CMIP: variants seen among roughly 807,000 people sequenced by gnomAD.
The protein encoded by CMIP is C-Maf-inducing protein.
Under a neutral mutation model 97.3 loss-of-function variants are expected in CMIP, and 13 were observed. The ratio of observed to expected loss-of-function variants is 0.13; its 90% CI spans 0.09 to 0.21. The LOEUF is 0.21. CMIP is among the 10% of genes least tolerant of loss of function. The pLI is 1.00. For synonymous variants in CMIP, 538 were observed against 436.3 expected (o/e 1.23, Z -2.91); for missense variants, 847 against 1,024.9 (o/e 0.83, Z 2.37).
chr16:81,521,633 G>A (rs1458567095), intron 1 of CMIP, among the ~76,000 whole-genome samples: 1 of 152,176 alleles, frequency 6.6e-6, no homozygotes, highest in East Asian at 1.9e-4. Context: ...TCTTCAAAAA[G>A]CCCCTCCCTG....
intron 1 of CMIP, among the ~76,000 whole-genome samples, chr16:81,577,459 C>G (rs1207808965): frequency 1.0e-5 from 1 of 97,416 alleles, no homozygotes; most frequent in African/African-American, 2.7e-5. Context: ...TCATCACCAC[C>G]ATCATCCCCA....
chr16:81,608,831 C>G (rs1329620496), intron 2 of CMIP, among the ~76,000 whole-genome samples: 1 of 152,242 alleles, frequency 6.6e-6, no homozygotes, highest in Non-Finnish European at 1.5e-5. Flanking sequence ...GGAAGAAGAC[C>G]TGCCTTGCTT....
At chr16:81,500,256 G>GTCCGTCCTTCCTTCCTTCCT (rs2089573562) in intron 1 of CMIP, among the ~76,000 whole-genome samples, 2 of 109,684 alleles carry the variant, frequency 1.8e-5, no homozygotes, top group East Asian at 7.8e-4. Context: ...CCTTCCTTCC[G>GTCCGTCCTTCCTTCCTTCCT]TCCTTCCTTC....
chr16:81,674,912 T>C (rs1340406381), intron 9 of CMIP, among the ~76,000 whole-genome samples: 1 of 151,764 alleles, frequency 6.6e-6, no homozygotes, highest in African/African-American at 2.4e-5. Flanking sequence ...CTTTGGAGAG[T>C]TGGTTGTTAG....
At chr16:81,511,478 G>C (rs887792332) in intron 1 of CMIP, among the ~76,000 whole-genome samples, 5 of 152,184 alleles carry the variant, frequency 3.3e-5, no homozygotes, top group Non-Finnish European at 5.9e-5. Context: ...CATATTCTGA[G>C]TTTTGCTGAT....
Position 81,620,934 on chromosome 16 carries a change from C to T in CMIP, c.477+8C>T. The T allele has an allele frequency of 6.2e-7, 1 of 1,613,902 alleles. No homozygotes were observed. Among genetic ancestry groups the T allele is most frequent in the Non-Finnish European group, 8.5e-7 (1 of 1,179,804 alleles). ...CATTCTCTGCAATGGAAGGTAAGTACTGACTCGGTTGCTTGTTTAAAGCGA... is the reference window on the plus strand; with the variant it reads ...CATTCTCTGCAATGGAAGGTAAGTATTGACTCGGTTGCTTGTTTAAAGCGA... On this transcript the variant is annotated splice_region_variant and intron_variant, in intron 3 of 20. Coordinates refer to ENST00000537098, the MANE Select transcript of CMIP (RefSeq NM_198390.3).
intron 1 of CMIP, among the ~76,000 whole-genome samples, chr16:81,527,669 G>T (rs1245065203): frequency 6.6e-5 from 10 of 152,156 alleles, no homozygotes; most frequent in African/African-American, 1.9e-4. Flanking sequence ...TTTTTTAGAA[G>T]CTTCAACTTT....
chr16:81,502,705 G>C (rs1408927008), intron 1 of CMIP, among the ~76,000 whole-genome samples: 1 of 152,174 alleles, frequency 6.6e-6, no homozygotes, highest in Non-Finnish European at 1.5e-5. Context: ...TATTCCCATT[G>C]CTTTGTTTGG....
At chr16:81,641,379 A>G (rs1199909793) in intron 3 of CMIP, among the ~76,000 whole-genome samples, 1 of 151,994 alleles carries the variant, frequency 6.6e-6, no homozygotes, top group Non-Finnish European at 1.5e-5. Flanking sequence ...CCCTGCTCCC[A>G]AGCAGCTCCT....
In CMIP at chr16:81,701,815, G is replaced by A; in HGVS notation, c.1896+15G>A. On this transcript the variant is annotated intron_variant, in intron 16 of 20. Transcript: ENST00000537098. Reference sequence around the variant, plus strand: ...TGAAGGAGCTGGTGAGTCCCCGGCTGCTCCGGACCACTCCCCTGCCCAGCA... The same window carrying A: ...TGAAGGAGCTGGTGAGTCCCCGGCTACTCCGGACCACTCCCCTGCCCAGCA... The A allele has an allele frequency of 6.2e-7, 1 of 1,612,726 alleles. No individual in the cohort carries two copies. The highest frequency in any genetic ancestry group is 8.5e-7 in the Non-Finnish European group (1 of 1,179,778).
chr16:81,571,101 C>T (rs192769166), intron 1 of CMIP, among the ~76,000 whole-genome samples: 1 of 152,102 alleles, frequency 6.6e-6, no homozygotes, highest in Non-Finnish European at 1.5e-5. Flanking sequence ...TGTGGGTATG[C>T]GTATGGGAAC....
chr16:81,577,989 A>G (rs1041056822), intron 1 of CMIP, among the ~76,000 whole-genome samples: 11 of 151,576 alleles, frequency 7.3e-5, no homozygotes, highest in African/African-American at 2.4e-4. Flanking sequence ...TATCACCATC[A>G]CCATCATCAC....
At chr16:81,569,068 T>C (rs910942468) in intron 1 of CMIP, among the ~76,000 whole-genome samples, 2 of 152,194 alleles carry the variant, frequency 1.3e-5, no homozygotes, top group African/African-American at 4.8e-5. Flanking sequence ...AGATCGTACA[T>C]TTTACGAAGA....
At chr16:81,529,811 CCTT>C in intron 1 of CMIP, among the ~76,000 whole-genome samples, 1 of 152,312 alleles carries the variant, frequency 6.6e-6, no homozygotes, top group Non-Finnish European at 1.5e-5. Context: ...CAAGGATACT[CCTT>C]CTCCTCTGGA....
chr16:81,615,560 A>T (rs375246112), intron 2 of CMIP, among the ~76,000 whole-genome samples: 1 of 110,062 alleles, frequency 9.1e-6, no homozygotes, highest in East Asian at 3.1e-4. Context: ...GTGTAACTGT[A>T]TGGTGCGTGT....
chr16:81,575,509 A>G (rs1370007707), intron 1 of CMIP, among the ~76,000 whole-genome samples: 1 of 152,174 alleles, frequency 6.6e-6, no homozygotes, highest in African/African-American at 2.4e-5. Flanking sequence ...AGGCCCCAGT[A>G]AGGGAGGTCC....
At chr16:81,638,697 A>AC (rs2092267015) in intron 3 of CMIP, among the ~76,000 whole-genome samples, 1 of 151,902 alleles carries the variant, frequency 6.6e-6, no homozygotes, top group South Asian at 2.1e-4. Context: ...GCCTGTTCAA[A>AC]ATCTTAACTT....
chr16:81,497,948 C>A (rs570408094), intron 1 of CMIP, among the ~76,000 whole-genome samples: 1 of 152,394 alleles, frequency 6.6e-6, no homozygotes, highest in East Asian at 1.9e-4. Context: ...TGCCTGCCGA[C>A]TCTCCGGTGC....
At position 81,705,724 on chromosome 16, in the gene CMIP, C is replaced by A. The variant is rs939431392; in HGVS notation, c.2197+120C>A. On this transcript the variant is annotated intron_variant, in intron 19 of 20. Transcript: ENST00000537098. Reference sequence around the variant, plus strand: ...GCACAGATAGAGAAATTCGTTCATTCACAAACGTGTTCACTGCACACCTGC... The same window carrying A: ...GCACAGATAGAGAAATTCGTTCATTAACAAACGTGTTCACTGCACACCTGC... 24 of 645,214 alleles carry A rather than the reference C, an allele frequency of 3.7e-5. No individual in the cohort carries two copies. In the South Asian group the frequency reaches 4.4e-4, roughly 12 times the overall value. 40.0% of individuals were successfully genotyped at this position (645,214 alleles called of 1,614,324 possible).
Sources: gnomAD v4.1 joint callset for allele counts (sites outside exome capture counted in the v4.1 genomes callset) on GRCh38, gnomAD v4.1.1 for gene constraint, MANE v1.5 for transcripts, NCBI Gene and HGNC (gene_info 2026-07-23, HGNC 2026-07-21) for gene names.